The following KSR2 variants were observed in gnomAD, a reference collection of about 807,000 sequenced individuals.
KSR2 encodes the protein kinase suppressor of ras 2.
Under a neutral mutation model 107.8 loss-of-function variants are expected in KSR2, and 25 were observed. That is an observed-to-expected ratio of 0.23 (90% CI 0.17 to 0.32). The LOEUF (loss-of-function observed/expected upper bound fraction) is 0.32, where lower values mean the gene tolerates loss of function less well. Ranked by LOEUF, KSR2 falls within the 10% of genes least tolerant of loss-of-function variation. The pLI is 1.00. For synonymous variants in KSR2, 480 were observed against 507.0 expected, an observed-to-expected ratio of 0.95 and a Z score of 0.71; for missense variants, 887 against 1,268.9, an observed-to-expected ratio of 0.70 and a Z score of 4.57.
intron 7 of KSR2, among the ~76,000 whole-genome samples, chr12:117,573,358 TGTTGTC>T (rs757247655): frequency 6.6e-5 from 10 of 152,114 alleles, no homozygotes; most frequent in African/African-American, 1.4e-4. Flanking sequence ...ACCTGTTTTT[TGTTGTC>T]GTTGTCGTTG....
intron 3 of KSR2, among the ~76,000 whole-genome samples, chr12:117,762,891 T>A (rs922424207): frequency 1.2e-4 from 18 of 152,154 alleles, no homozygotes; most frequent in African/African-American, 2.9e-4. Flanking sequence ...ACCTTTTTTT[T>A]ATTTTATTAT....
chr12:117,718,337 A>C (rs750582334), intron 4 of KSR2, among the ~76,000 whole-genome samples: 1 of 152,232 alleles, frequency 6.6e-6, no homozygotes. Context: ...CCTGTTGTTC[A>C]CTGTCCATGG....
chr12:117,736,559 C>T (rs1246277368), intron 4 of KSR2, among the ~76,000 whole-genome samples: 3 of 152,166 alleles, frequency 2.0e-5, no homozygotes, highest in Non-Finnish European at 4.4e-5. Context: ...CCTATAATCC[C>T]AGCACTTTGG....
intron 16 of KSR2, among the ~76,000 whole-genome samples, chr12:117,481,225 A>G (rs1015173430): frequency 6.6e-6 from 1 of 152,188 alleles, no homozygotes; most frequent in Non-Finnish European, 1.5e-5. Flanking sequence ...GTGTGTGTTA[A>G]ACACAAGTTT....
intron 10 of KSR2, among the ~76,000 whole-genome samples, chr12:117,535,604 T>TTGTGTGTGTGTGTGTGTG (rs5801239): frequency 7.0e-6 from 1 of 142,232 alleles, no homozygotes; most frequent in African/African-American, 2.7e-5. Context: ...TTTCCTGGAG[T>TTGTGTGTGTGTGTGTGTG]TGTGTGTGTG....
chr12:117,642,819 G>C (rs1383719059), intron 5 of KSR2, among the ~76,000 whole-genome samples: 1 of 152,152 alleles, frequency 6.6e-6, no homozygotes, highest in Non-Finnish European at 1.5e-5. Flanking sequence ...ATTTCTAGGA[G>C]AGTAGTTTCC....
chr12:117,707,509 G>A (rs2136640772), intron 4 of KSR2, among the ~76,000 whole-genome samples: 1 of 152,262 alleles, frequency 6.6e-6, no homozygotes, highest in Admixed American at 6.5e-5. Context: ...TCACTTTCTA[G>A]CTGTGTGACC....
intron 5 of KSR2, among the ~76,000 whole-genome samples, chr12:117,590,216 G>A (rs1016120955): frequency 3.9e-5 from 6 of 152,242 alleles, no homozygotes; most frequent in Non-Finnish European, 7.3e-5. Context: ...ATTCATGCAT[G>A]TGTGGAGTTT....
intron 4 of KSR2, among the ~76,000 whole-genome samples, chr12:117,733,377 T>C (rs1887806657): frequency 6.6e-6 from 1 of 152,188 alleles, no homozygotes; most frequent in Non-Finnish European, 1.5e-5. Context: ...CGTCCCACTC[T>C]TTACCTGGCC....
intron 4 of KSR2, among the ~76,000 whole-genome samples, chr12:117,689,227 A>G (rs1043806897): frequency 1.3e-5 from 2 of 152,172 alleles, no homozygotes; most frequent in Admixed American, 1.3e-4. Context: ...TCACAAATCA[A>G]TGTATCTTGG....
At chr12:117,615,156 T>C (rs551519046) in intron 5 of KSR2, among the ~76,000 whole-genome samples, 2 of 151,838 alleles carry the variant, frequency 1.3e-5, no homozygotes, top group South Asian at 4.2e-4. Context: ...ACCCACTCTC[T>C]TCTCCTGGTA....
At chr12:117,773,669 G>T (rs1050281715) in intron 3 of KSR2, among the ~76,000 whole-genome samples, 45 of 152,210 alleles carry the variant, frequency 3.0e-4, no homozygotes, top group Admixed American at 2.1e-3. Context: ...CTAGCAAGAA[G>T]CAGAACTTTT....
chr12:117,965,735 T>C (rs1876365841), intron 1 of KSR2, among the ~76,000 whole-genome samples: 1 of 152,246 alleles, frequency 6.6e-6, no homozygotes, highest in South Asian at 2.1e-4. Flanking sequence ...CTGGACTGTT[T>C]ATTAAACGCA....
At chr12:117,742,808 A>T (rs527935011) in intron 4 of KSR2, among the ~76,000 whole-genome samples, 2 of 152,232 alleles carry the variant, frequency 1.3e-5, no homozygotes, top group Non-Finnish European at 2.9e-5. Flanking sequence ...GCAGAAAAAG[A>T]AGACTTGTCA....
At position 117,968,478 on chromosome 12, in the gene KSR2, C is replaced by T; in HGVS notation, c.-223G>A. The T allele has an allele frequency of 7.7e-7, 1 of 1,306,368 alleles. No individual in the cohort carries two copies. Among genetic ancestry groups the T allele is most frequent in the Non-Finnish European group, 9.7e-7 (1 of 1,035,086 alleles). The allele number at this position is 1,306,368 out of a possible 1,614,324, so 80.9% of individuals were successfully genotyped here. On this transcript the variant is annotated 5_prime_UTR_variant, in exon 1 of 20. It removes an upstream start codon present in the reference 5' UTR. Coordinates refer to ENST00000339824, the MANE Select transcript of KSR2 (RefSeq NM_173598.6). ...TTATTTTGGGATATCAAGCGGACTC[C>T]ATTAGAATGTCTCCTCTCTCTCTGA...
intron 1 of KSR2, among the ~76,000 whole-genome samples, chr12:117,883,831 G>A (rs952292052): frequency 2.8e-5 from 4 of 142,128 alleles, no homozygotes; most frequent in South Asian, 4.4e-4. Flanking sequence ...AGCCAAGATC[G>A]TACCACTGCA....
intron 1 of KSR2, among the ~76,000 whole-genome samples, chr12:117,954,065 G>A (rs1896439250): frequency 6.6e-6 from 1 of 151,372 alleles, no homozygotes; most frequent in South Asian, 2.1e-4. Flanking sequence ...ACTCCAGCCT[G>A]AGCAACAGAG....
chr12:117,473,175 C>T (rs1871579927), intron 17 of KSR2, among the ~76,000 whole-genome samples: 1 of 152,198 alleles, frequency 6.6e-6, no homozygotes, highest in Admixed American at 6.5e-5. Context: ...CCTCACATTT[C>T]CTCTGCCTCC....
At chr12:117,502,417 T>C (rs939437822) in intron 14 of KSR2, among the ~76,000 whole-genome samples, 3 of 152,206 alleles carry the variant, frequency 2.0e-5, no homozygotes, top group South Asian at 4.1e-4. Context: ...GCATTTTCCC[T>C]GGACTTTGAA....
Sources: gnomAD v4.1 joint callset for allele counts (sites outside exome capture counted in the v4.1 genomes callset) on GRCh38, gnomAD v4.1.1 for gene constraint, MANE v1.5 for transcripts, NCBI Gene and HGNC (gene_info 2026-07-23, HGNC 2026-07-21) for gene names.